ACACA: variants seen among roughly 807,000 people sequenced by gnomAD.
ACACA encodes acetyl-CoA carboxylase alpha.
A neutral mutation model predicts 296.1 loss-of-function variants in ACACA; 103 were observed. The ratio of observed to expected loss-of-function variants is 0.35; its 90% confidence interval spans 0.30 to 0.41. The LOEUF (loss-of-function observed/expected upper bound fraction) is 0.41, where lower values mean the gene tolerates loss of function less well. Ranked by LOEUF, ACACA falls within the 10% of genes least tolerant of loss-of-function variation. The probability of loss-of-function intolerance (pLI) is 1.00; values close to 1 mark genes in which losing one functional copy is unlikely to be tolerated. For synonymous variants in ACACA, 953 were observed against 1,038.6 expected (o/e 0.92, Z 1.58); for missense variants, 1,554 against 2,989.7 (o/e 0.52, Z 11.20).
rs1251378383 is a variant in ACACA, at chr17:37,302,794, GA to G, written c.339-17825del. On this transcript the variant is annotated intron_variant, in intron 3 of 55. Coordinates refer to ENST00000616317, the MANE Select transcript of ACACA (RefSeq NM_198834.3). ...TTTCTATATAGATCTTACACCCTGT[GA>G]TCTTGATAAACTCATTTAAAAATTT... 5.3e-5 allele frequency among the ~76,000 whole-genome samples: 8 copies of G among 152,030 alleles called. No homozygotes were observed. The South Asian group carries it at 1.5e-3, about 28-fold the overall frequency.
At chr17:37,095,337 G>C (rs978794715) in intron 54 of ACACA, among the ~76,000 whole-genome samples, 1 of 152,218 alleles carries the variant, frequency 6.6e-6, no homozygotes, top group Non-Finnish European at 1.5e-5. Context: ...TGATGCCACA[G>C]ACTGACCTTA....
At chr17:37,089,682 C>T (rs756468852) in intron 54 of ACACA, among the ~76,000 whole-genome samples, 121 of 152,126 alleles carry the variant, frequency 8.0e-4, no homozygotes, top group Non-Finnish European at 2.6e-4. Flanking sequence ...CATTTTATTA[C>T]CTATGAGAGT....
intron 22 of ACACA, among the ~76,000 whole-genome samples, chr17:37,242,506 T>C (rs576446765): frequency 3.9e-5 from 6 of 152,148 alleles, no homozygotes; most frequent in Non-Finnish European, 5.9e-5. Context: ...GGAGGGAGGA[T>C]AGCTTGAGCC....
At chr17:37,354,252 T>C (rs1175371880) in intron 1 of ACACA, among the ~76,000 whole-genome samples, 1 of 152,170 alleles carries the variant, frequency 6.6e-6, no homozygotes, top group Admixed American at 6.6e-5. Flanking sequence ...GAGTATGGCA[T>C]GCTAAAAGGA....
intron 40 of ACACA, among the ~76,000 whole-genome samples, chr17:37,180,518 T>C (rs1210399588): frequency 6.6e-6 from 1 of 152,208 alleles, no homozygotes; most frequent in Non-Finnish European, 1.5e-5. Flanking sequence ...ATTCTTTTGA[T>C]ACCTTATTCT....
intron 41 of ACACA, among the ~76,000 whole-genome samples, chr17:37,168,505 G>T (rs534166011): frequency 6.6e-6 from 1 of 151,470 alleles, no homozygotes; most frequent in African/African-American, 2.4e-5. Flanking sequence ...TTTAGTGTAC[G>T]TTTGAGCATT....
intron 2 of ACACA, among the ~76,000 whole-genome samples, chr17:37,330,765 GTTGTGATATTGATAT>G (rs1223296110): frequency 6.6e-6 from 1 of 152,174 alleles, no homozygotes; most frequent in Admixed American, 6.6e-5. Flanking sequence ...AAAGCTGCTT[GTTGTGATATTGATAT>G]TTTGGTTGTT....
At chr17:37,324,961 G>A (rs904470638) in intron 3 of ACACA, among the ~76,000 whole-genome samples, 5 of 151,926 alleles carry the variant, frequency 3.3e-5, no homozygotes, top group African/African-American at 1.2e-4. Context: ...CCAGCACTTT[G>A]GGAGGCTGAG....
intron 46 of ACACA, among the ~76,000 whole-genome samples, 183 bp from the exon 47 acceptor site, chr17:37,129,668 T>C (rs1268085694): frequency 6.6e-6 from 1 of 152,194 alleles, no homozygotes; most frequent in Non-Finnish European, 1.5e-5. Flanking sequence ...TATAGGTCAA[T>C]AGTCTCATTT....
chr17:37,168,274 G>A (rs150452258), intron 41 of ACACA, among the ~76,000 whole-genome samples: 207 of 152,150 alleles, frequency 1.4e-3, no homozygotes, highest in South Asian at 7.5e-3. Context: ...AGCACTTTGC[G>A]GGGTAAAAAC....
intron 3 of ACACA, among the ~76,000 whole-genome samples, chr17:37,292,975 T>C (rs2083144285): frequency 6.6e-6 from 1 of 152,248 alleles, no homozygotes; most frequent in South Asian, 2.1e-4. Flanking sequence ...TATGTGAAAT[T>C]TGGCTCCACA....
intron 3 of ACACA, among the ~76,000 whole-genome samples, chr17:37,306,596 A>T (rs1334765517): frequency 1.3e-5 from 2 of 152,122 alleles, no homozygotes; most frequent in Non-Finnish European, 2.9e-5. Flanking sequence ...ATAACCATTG[A>T]TCAGTCTTGT....
At chr17:37,118,120 C>T (rs997834084) in intron 50 of ACACA, among the ~76,000 whole-genome samples, 1 of 152,210 alleles carries the variant, frequency 6.6e-6, no homozygotes, top group African/African-American at 2.4e-5. Flanking sequence ...CCCCTCCTAC[C>T]TTCACAGGGA....
intron 3 of ACACA, chr17:37,289,432 A>C: frequency 7.4e-7 from 1 of 1,350,740 alleles, no homozygotes. Context: ...AAAATCAGCA[A>C]CTGTAAGTAT....
chr17:37,088,792 C>T (rs1413197689), intron 55 of ACACA, 146 bp downstream of exon 55: 4 of 1,103,178 alleles, frequency 3.6e-6, no homozygotes, highest in African/African-American at 3.1e-5. Context: ...ATATCTGTAC[C>T]TGTGGGTCAA....
intron 1 of ACACA, chr17:37,359,000 T>G (rs1329289779): frequency 1.0e-6 from 1 of 985,346 alleles, no homozygotes; most frequent in Non-Finnish European, 1.2e-6. Flanking sequence ...TCACCTCACC[T>G]CAGGGTGGCA....
chr17:37,342,406 CAAAAAAAAAA>C (rs1173872959), intron 1 of ACACA, among the ~76,000 whole-genome samples: 7 of 21,106 alleles, frequency 3.3e-4, no homozygotes, highest in East Asian at 3.0e-3. Flanking sequence ...GACTGTCTCT[CAAAAAAAAAA>C]AAAAAAAAAA....
At chr17:37,244,468 A>G in intron 21 of ACACA, 120 bp downstream of exon 21, 1 of 1,214,332 alleles carries the variant, frequency 8.2e-7, no homozygotes, top group East Asian at 2.4e-5. Flanking sequence ...AAGGTGAAAG[A>G]GTTCTAGGCC....
chr17:37,338,250 C>T (rs1268878842), intron 2 of ACACA, among the ~76,000 whole-genome samples: 1 of 143,506 alleles, frequency 7.0e-6, no homozygotes, highest in Non-Finnish European at 1.5e-5. Context: ...AAAAAAGTAT[C>T]ATGCAACAAA....
Sources: gnomAD v4.1 joint callset for allele counts (sites outside exome capture counted in the v4.1 genomes callset) on GRCh38, gnomAD v4.1.1 for gene constraint, MANE v1.5 for transcripts, NCBI Gene and HGNC (gene_info 2026-07-23, HGNC 2026-07-21) for gene names.